The following PIK3C2G variants were observed in gnomAD, a reference collection of about 807,000 sequenced individuals.
PIK3C2G encodes phosphatidylinositol-4-phosphate 3-kinase catalytic subunit type 2 gamma, also known as phosphatidylinositol 3-kinase C2 domain-containing subunit gamma.
In PIK3C2G, 168 loss-of-function variants were observed where a neutral mutation model predicts 181.1. The ratio of observed to expected loss-of-function variants is 0.93; its 90% CI spans 0.82 to 1.05. The LOEUF (loss-of-function observed/expected upper bound fraction) is 1.05. Ranked by LOEUF, PIK3C2G falls within the 50% of genes least tolerant of loss-of-function variation. PIK3C2G has a pLI of 0.00. For synonymous variants in PIK3C2G, 573 were observed against 592.2 expected (o/e 0.97, Z 0.47); for missense variants, 1,869 against 1,732.8 (o/e 1.08, Z -1.40).
chr12:18,679,717 A>G, the PIK3C2G span, among the ~76,000 whole-genome samples: 1 of 152,050 alleles, frequency 6.6e-6, no homozygotes, highest in Non-Finnish European at 1.5e-5. Flanking sequence ...ACATTAGAAA[A>G]AAGACTGCCC....
At chr12:18,675,816 T>C in the PIK3C2G span, among the ~76,000 whole-genome samples, 2 of 149,406 alleles carry the variant, frequency 1.3e-5, no homozygotes, top group African/African-American at 4.9e-5. Flanking sequence ...GAGCTAACAA[T>C]AAGTACAAAT....
At chr12:18,442,943 C>A (rs11044117) in intron 18 of PIK3C2G, among the ~76,000 whole-genome samples, 9 of 151,704 alleles carry the variant, frequency 5.9e-5, no homozygotes, top group Non-Finnish European at 8.8e-5. Flanking sequence ...GCAATCTCGG[C>A]TCACTGCAAA....
At chr12:18,611,491 T>C (rs1266110267) in intron 31 of PIK3C2G, among the ~76,000 whole-genome samples, 1 of 152,098 alleles carries the variant, frequency 6.6e-6, no homozygotes, top group East Asian at 1.9e-4. Flanking sequence ...TACTTACTTG[T>C]TTTTCTTTTC....
chr12:18,650,987 T>A (rs1019944587), downstream of PIK3C2G, among the ~76,000 whole-genome samples: 1 of 151,826 alleles, frequency 6.6e-6, no homozygotes, highest in Non-Finnish European at 1.5e-5. Context: ...GGTTATATCA[T>A]TCTTCTGTTC....
chr12:18,522,156 G>A (rs1427522491), intron 24 of PIK3C2G, among the ~76,000 whole-genome samples: 2 of 152,214 alleles, frequency 1.3e-5, no homozygotes, highest in Non-Finnish European at 2.9e-5. Flanking sequence ...TTCAATGGAA[G>A]CCTCTGATAG....
chr12:18,638,951 CAAAA>C (rs779064940), intron 31 of PIK3C2G, among the ~76,000 whole-genome samples: 2 of 97,592 alleles, frequency 2.0e-5, no homozygotes. Context: ...CTCTTCTCAC[CAAAA>C]AAAAAAAAAA....
At chr12:18,283,172 C>T (rs1949297452) in intron 2 of PIK3C2G, among the ~76,000 whole-genome samples, 1 of 152,002 alleles carries the variant, frequency 6.6e-6, no homozygotes, top group African/African-American at 2.4e-5. Context: ...AACTTTATAT[C>T]ATTATTGGTA....
At chr12:18,699,807 A>C in the PIK3C2G span, 1 of 1,613,478 alleles carries the variant, frequency 6.2e-7, no homozygotes, top group Non-Finnish European at 8.5e-7. Flanking sequence ...GCAATTTTGA[A>C]AGTTTTCGGG....
In PIK3C2G at chr12:18,629,902, TTAAA is replaced by T. The variant is rs1949274674; in HGVS notation, c.4183-10524_4183-10521del. 3.3e-5 allele frequency among the ~76,000 whole-genome samples: 5 copies of T among 152,322 alleles called. No homozygotes were observed. The East Asian group carries it at 9.6e-4, about 29-fold the overall frequency. On this transcript the variant is annotated intron_variant, in intron 31 of 32. Transcript: ENST00000538779. ...CAATAGATAACAGGAACTATTTCAA[TTAAA>T]TATCTTTTTTATATTACATTACAAA...
chr12:18,307,330 T>C (rs1407663146), intron 5 of PIK3C2G, among the ~76,000 whole-genome samples: 1 of 151,634 alleles, frequency 6.6e-6, no homozygotes, highest in African/African-American at 2.4e-5. Context: ...GTAGAGAGAA[T>C]AAATAATTAA....
upstream of PIK3C2G, among the ~76,000 whole-genome samples, chr12:18,256,970 G>A (rs1948151809): frequency 1.3e-5 from 2 of 151,954 alleles, no homozygotes; most frequent in South Asian, 4.2e-4. Context: ...ACTTGTTGTT[G>A]GCAGGACAAC....
intron 24 of PIK3C2G, among the ~76,000 whole-genome samples, chr12:18,520,891 T>C (rs890193352): frequency 3.9e-5 from 6 of 152,182 alleles, no homozygotes; most frequent in African/African-American, 1.4e-4. Context: ...CTAGTTTCGA[T>C]CTTTGAGTCT....
At chr12:18,661,368 TA>T in the PIK3C2G span, among the ~76,000 whole-genome samples, 10 of 100,170 alleles carry the variant, frequency 1.0e-4, no homozygotes, top group South Asian at 4.1e-4. Context: ...CTGCCAAAAA[TA>T]AAAAAAAAGA....
chr12:18,583,634 C>T (rs956404256), intron 29 of PIK3C2G, among the ~76,000 whole-genome samples: 4 of 152,128 alleles, frequency 2.6e-5, no homozygotes, highest in Non-Finnish European at 5.9e-5. Flanking sequence ...ATACTGTTTG[C>T]CACACAGGTC....
chr12:18,250,043 C>T (rs1467987481), intron 1 of PIK3C2G, among the ~76,000 whole-genome samples: 1 of 152,028 alleles, frequency 6.6e-6, no homozygotes, highest in Non-Finnish European at 1.5e-5. Flanking sequence ...AAGTTTAGCT[C>T]ACTCAATGTA....
chr12:18,430,688 T>C (rs1220003953), intron 18 of PIK3C2G, among the ~76,000 whole-genome samples: 2 of 152,142 alleles, frequency 1.3e-5, no homozygotes, highest in Non-Finnish European at 2.9e-5. Flanking sequence ...GAGATTGACC[T>C]GATCAGAAAC....
intron 6 of PIK3C2G, 137 bp downstream of exon 6, chr12:18,314,201 A>G (rs1302553889): frequency 3.4e-6 from 2 of 583,868 alleles, no homozygotes; most frequent in African/African-American, 1.9e-5. Context: ...TCATTGAAAC[A>G]TGATGAAATA....
chr12:18,488,634 G>A lies in PIK3C2G; in HGVS notation c.2685+5G>A, dbSNP rs559096405. ...GCCAGTGACCATCAAAGACAGGTTT[G>A]TTGAAATATTAATATTCAGGTAGTA... is the stretch of plus-strand genomic sequence containing the variant. On this transcript the variant is annotated splice_donor_5th_base_variant and intron_variant, in intron 19 of 32. Coordinates refer to ENST00000538779, the MANE Select transcript of PIK3C2G (RefSeq NM_001288772.2). 7.5e-6 allele frequency: 11 copies of A among 1,468,514 alleles called. No homozygotes were observed. The South Asian group carries it at 1.3e-4, about 17-fold the overall frequency. 91.0% of individuals were successfully genotyped at this position (1,468,514 alleles called of 1,614,324 possible).
chr12:18,670,181 T>C, the PIK3C2G span, among the ~76,000 whole-genome samples: 746 of 152,270 alleles, frequency 4.9e-3, 7 homozygotes, highest in African/African-American at 0.017. Context: ...GTATGCTGCC[T>C]TGAAACAAGA....
Sources: gnomAD v4.1 joint callset for allele counts (sites outside exome capture counted in the v4.1 genomes callset) on GRCh38, gnomAD v4.1.1 for gene constraint, MANE v1.5 for transcripts, NCBI Gene and HGNC (gene_info 2026-07-23, HGNC 2026-07-21) for gene names.